ISYNA1: variants seen among roughly 807,000 people sequenced by gnomAD.
ISYNA1 encodes the protein inositol-3-phosphate synthase 1.
Under a neutral mutation model 50.3 loss-of-function variants are expected in ISYNA1, and 34 were observed. The ratio of observed to expected loss-of-function variants is 0.68; its 90% CI spans 0.51 to 0.90. ISYNA1 has a LOEUF of 0.90. ISYNA1 is among the 40% of genes least tolerant of loss of function. The probability of loss-of-function intolerance (pLI) is 0.00; values close to 1 mark genes in which losing one functional copy is unlikely to be tolerated. For missense variants in ISYNA1, 718 were observed against 784.8 expected (o/e 0.91, Z 1.02); for synonymous variants, 396 against 349.9 (o/e 1.13, Z -1.47).
chr19:18,437,914 C>T lies in ISYNA1; in HGVS notation c.66G>A (p.Glu22=), dbSNP rs1188294981. Residue 22 remains glutamate, a synonymous_variant, in exon 2 of 11, where the codon GAG becomes GAA. Transcript: ENST00000338128. Reference sequence around the variant, plus strand: ...GCGTCGTCCGGTACTCGTATTGCGCCTCGATGGCCTCGGGGCCGTAGACCA... The same window carrying T: ...GCGTCGTCCGGTACTCGTATTGCGCTTCGATGGCCTCGGGGCCGTAGACCA... ...PDVVYGPEAI[E]AQYEYRTTRV... 11 of 1,611,500 alleles carry T rather than the reference C, an allele frequency of 6.8e-6. No individual in the cohort carries two copies. Among genetic ancestry groups the T allele is most frequent in the Non-Finnish European group, 8.5e-6 (10 of 1,179,648 alleles).
Position 18,437,653 on chromosome 19 carries a change from G to A in ISYNA1, c.228C>T (p.Ala76=), listed in dbSNP as rs1166766802. Residue 76 remains alanine, a synonymous_variant, in exon 3 of 11, where the codon GCC becomes GCT. Coordinates refer to ENST00000338128, the MANE Select transcript of ISYNA1 (RefSeq NM_016368.5). The part of the protein sequence containing the change: ...WGGNNGSTLT[A]AVLANRLRLS... The stretch of plus-strand genomic sequence containing the variant: ...AACGCAGTCGATTGGCCAGCACCGC[G>A]GCGGTGAGTGTGGAGCCGTTGTTCC... 2 of 1,538,540 alleles carry A rather than the reference G, an allele frequency of 1.3e-6. No individual in the cohort carries two copies. The highest frequency in any genetic ancestry group is 1.7e-6 in the Non-Finnish European group (2 of 1,145,662).
Position 18,437,958 on chromosome 19 carries a change from A to G in ISYNA1, c.22T>C (p.Phe8Leu). MEAAAQF[F>L]VESPDVVYGP... ...TAGACCACGTCCGGGCTCTCGACGA[A>G]GAACTGGGCGGCGGCCTCCATCGCG... is the stretch of plus-strand genomic sequence containing the variant. Residue 8 changes from phenylalanine (F) to leucine (L), a missense_variant, in exon 2 of 11, where the codon TTC becomes CTC. Physicochemically the swap from Phe to Leu is conservative, Grantham distance 22. This residue lies in a region of ISYNA1 where 403 missense variants were observed against 466.6 expected (regional missense o/e 0.86). Transcript: ENST00000338128. 1 of 1,595,664 alleles carries G rather than the reference A, an allele frequency of 6.3e-7. No individual in the cohort carries two copies. Among genetic ancestry groups the G allele is most frequent in the Non-Finnish European group, 8.5e-7 (1 of 1,172,624 alleles).
At position 18,436,016 on chromosome 19, in the gene ISYNA1, CCCTAGGCCCACGCA is replaced by C; in HGVS notation, c.975+2_975+15del. 1.2e-6 allele frequency: 2 copies of C among 1,613,340 alleles called. No homozygotes were observed. Among genetic ancestry groups the C allele is most frequent in the Non-Finnish European group, 1.7e-6 (2 of 1,179,878 alleles). Reference sequence around the variant, plus strand: ...GGCCCCCTTCCTGCACTCGGCAGCTCCCTAGGCCCACGCACCTTGAGGCCGGAGCCAATGAGGAA... The same window carrying C: ...GGCCCCCTTCCTGCACTCGGCAGCTCCCTTGAGGCCGGAGCCAATGAGGAA... On this transcript the variant is annotated splice_donor_variant and splice_donor_5th_base_variant and intron_variant, in intron 7 of 10. Coordinates refer to ENST00000338128, the MANE Select transcript of ISYNA1 (RefSeq NM_016368.5). LOFTEE classifies it high-confidence loss of function.
At position 18,437,918 on chromosome 19, in the gene ISYNA1, A is replaced by C; in HGVS notation, c.62T>G (p.Ile21Ser). 1 of 1,611,488 alleles carries C rather than the reference A, an allele frequency of 6.2e-7. No individual in the cohort carries two copies. The highest frequency in any genetic ancestry group is 8.5e-7 in the Non-Finnish European group (1 of 1,179,600). The change falls in exon 2 of 11, where the codon ATC (isoleucine) becomes AGC (serine). Residue 21 changes from isoleucine (I) to serine (S), a missense_variant. Physicochemically the swap from Ile to Ser is moderately radical, Grantham distance 142. Around this residue, in one of 3 missense-constraint regions of ISYNA1, gnomAD observed 403 missense variants for 466.6 expected, o/e 0.86. Transcript: ENST00000338128. The stretch of plus-strand genomic sequence containing the variant: ...CGTCCGGTACTCGTATTGCGCCTCG[A>C]TGGCCTCGGGGCCGTAGACCACGTC... ...SPDVVYGPEA[I>S]EAQYEYRTTR...
Position 18,434,570 on chromosome 19 carries a change from T to A in ISYNA1, c.*343A>T. On this transcript the variant is annotated 3_prime_UTR_variant, in exon 11 of 11. Coordinates refer to ENST00000338128, the MANE Select transcript of ISYNA1 (RefSeq NM_016368.5). The stretch of plus-strand genomic sequence containing the variant: ...TGGTTTTGGTTTTTGGTAGCTTGTC[T>A]CAGATTCCCTCTTTGGCCTTCTGCC... The A allele has an allele frequency of 1.9e-6, 1 of 520,370 alleles. No individual in the cohort carries two copies. Among genetic ancestry groups the A allele is most frequent in the Non-Finnish European group, 3.4e-6 (1 of 297,404 alleles). 32.2% of individuals were successfully genotyped at this position (520,370 alleles called of 1,614,324 possible). A position where few individuals can be genotyped will look rare whatever the true frequency, so the allele number is the denominator to read the frequency against.
chr19:18,437,112 G>A lies in ISYNA1; in HGVS notation c.283-7C>T, dbSNP rs761855774. On this transcript the variant is annotated splice_polypyrimidine_tract_variant and splice_region_variant and intron_variant, in intron 3 of 10. Coordinates refer to ENST00000338128, the MANE Select transcript of ISYNA1 (RefSeq NM_016368.5). ...AGCCGTAGTAGTTGGCCTCCTGGGG[G>A]TCAGCAGACACGGCGAGGTGACGGG... The A allele has an allele frequency of 6.4e-7, 1 of 1,570,380 alleles. No homozygotes were observed.
rs1974134364 is a variant in ISYNA1 at position 18,437,955 on chromosome 19, C to G, written c.25G>C (p.Val9Leu). The change falls in exon 2 of 11, where the codon GTC becomes CTC. Residue 9 changes from valine to leucine, a missense_variant. Coordinates refer to ENST00000338128, the MANE Select transcript of ISYNA1 (RefSeq NM_016368.5). MEAAAQFF[V>L]ESPDVVYGPE... ...CCGTAGACCACGTCCGGGCTCTCGA[C>G]GAAGAACTGGGCGGCGGCCTCCATC... 1 of 1,598,590 alleles carries G rather than the reference C, an allele frequency of 6.3e-7. No homozygotes were observed. Among genetic ancestry groups the G allele is most frequent in the African/African-American group, 1.3e-5 (1 of 74,594 alleles).
At chr19:18,437,231 A>AGCCAGGACGGAAGCCGCTGCC in intron 3 of ISYNA1, 126 bp from the exon 4 acceptor site, 1 of 1,443,752 alleles carries the variant, frequency 6.9e-7, no homozygotes, top group Non-Finnish European at 9.1e-7. Context: ...CCAGGCTCAC[A>AGCCAGGACGGAAGCCGCTGCC]GCCAGGACGG....
Position 18,434,595 on chromosome 19 carries a change from C to T in ISYNA1, c.*318G>A. The T allele has an allele frequency of 1.9e-6, 1 of 526,112 alleles. No individual in the cohort carries two copies. Among genetic ancestry groups the T allele is most frequent in the Non-Finnish European group, 3.4e-6 (1 of 297,820 alleles). The allele number at this position is 526,112 out of a possible 1,614,324, so 32.6% of individuals were successfully genotyped here. A position where few individuals can be genotyped will look rare whatever the true frequency, so the allele number is the denominator to read the frequency against. ...TCAGATTCCCTCTTTGGCCTTCTGCCACCACACTCTCCACCCTGTGGTCTT... is the reference window on the plus strand; with the variant it reads ...TCAGATTCCCTCTTTGGCCTTCTGCTACCACACTCTCCACCCTGTGGTCTT... On this transcript the variant is annotated 3_prime_UTR_variant, in exon 11 of 11. Coordinates refer to ENST00000338128, the MANE Select transcript of ISYNA1 (RefSeq NM_016368.5).
chr19:18,437,822 C>T (rs1484444083), intron 2 of ISYNA1, 38 bp downstream of exon 2: 1 of 1,609,406 alleles, frequency 6.2e-7, no homozygotes, highest in Admixed American at 1.7e-5. Flanking sequence ...CCGCCCCGCT[C>T]TCCCCAGCAC....
In ISYNA1 at chr19:18,436,388, A is replaced by G; in HGVS notation, c.701T>C (p.Phe234Ser). 1 of 1,612,338 alleles carries G rather than the reference A, an allele frequency of 6.2e-7. No individual in the cohort carries two copies. ...IVLWTANTER[F>S]CEVIPGLNDT... Reference sequence around the variant, plus strand: ...GTTGAGGCCTGGAATCACCTCACAGAAGCGCTCCGTGTTCGCCGTCCACAG... The same window carrying G: ...GTTGAGGCCTGGAATCACCTCACAGGAGCGCTCCGTGTTCGCCGTCCACAG... The change falls in exon 6 of 11, where the codon TTC becomes TCC. Residue 234 changes from phenylalanine to serine, a missense_variant. This residue lies in a region of ISYNA1 where 403 missense variants were observed against 466.6 expected (regional missense o/e 0.86). Coordinates refer to ENST00000338128, the MANE Select transcript of ISYNA1 (RefSeq NM_016368.5).
Position 18,436,461 on chromosome 19 carries a change from C to A in ISYNA1, c.628G>T (p.Asp210Tyr). 1 of 1,606,190 alleles carries A rather than the reference C, an allele frequency of 6.2e-7. No homozygotes were observed. Among genetic ancestry groups the A allele is most frequent in the Non-Finnish European group, 8.5e-7 (1 of 1,179,858 alleles). The change falls in exon 6 of 11, where the codon GAC (aspartate) becomes TAC (tyrosine). Residue 210 changes from aspartate (D) to tyrosine (Y), a missense_variant. Coordinates refer to ENST00000338128, the MANE Select transcript of ISYNA1 (RefSeq NM_016368.5). Reference sequence around the variant, plus strand: ...GCGCTAGACCGGAAGTCTCGGATGTCCCTGCGGATCTGCTCCAGCTGTGGG... The same window carrying A: ...GCGCTAGACCGGAAGTCTCGGATGTACCTGCGGATCTGCTCCAGCTGTGGG... ...RAQQLEQIRRDIRDFRSSAGL... is the reference protein window; with the variant it reads ...RAQQLEQIRRYIRDFRSSAGL...
rs377647157 is a variant in ISYNA1, at chr19:18,435,563, C to T, written c.1254G>A (p.Glu418=). The change falls in exon 9 of 11, where the codon GAG becomes GAA. Residue 418 remains glutamate, a splice_region_variant and synonymous_variant. Coordinates refer to ENST00000338128, the MANE Select transcript of ISYNA1 (RefSeq NM_016368.5). Reference sequence around the variant, plus strand: ...AGCAGCCCCTGAAGCCGCGCCGCACCTCACACGTGTTGTGCAGCACCAGTG... The same window carrying T: ...AGCAGCCCCTGAAGCCGCGCCGCACTTCACACGTGTTGTGCAGCACCAGTG... ...TNTLVLHNTC[E]DSLLAAPIML... is the part of the protein sequence containing the mutation. 13 of 1,605,600 alleles carry T rather than the reference C, an allele frequency of 8.1e-6. No homozygotes were observed. Among genetic ancestry groups the T allele is most frequent in the Non-Finnish European group, 1.0e-5 (12 of 1,176,398 alleles).
chr19:18,438,020 G>A, intron 1 of ISYNA1, 32 bp from the exon 2 acceptor site: 3 of 1,530,112 alleles, frequency 2.0e-6, no homozygotes, highest in Non-Finnish European at 1.8e-6. Flanking sequence ...GGGGTCAGCG[G>A]GGACTCTAAG....
At chr19:18,437,546 C>CTTG in intron 3 of ISYNA1, 53 bp downstream of exon 3, 2 of 1,337,350 alleles carry the variant, frequency 1.5e-6, no homozygotes, top group Non-Finnish European at 1.9e-6. Flanking sequence ...CCGCCCCCGC[C>CTTG]CGCAAGGACT....
rs369738821 is a variant in ISYNA1, at chr19:18,436,982, C to T, written c.406G>A (p.Val136Met). Residue 136 changes from valine to methionine, a missense_variant, in exon 4 of 11, where the codon GTG (valine) becomes ATG (methionine). Val to Met is a conservative substitution (Grantham distance 21). Transcript: ENST00000338128. ...CCAGGGCTCCGCCCACCATCGAACACGAGGTCGTTGGGCGCCACCATGGGC... is the reference window on the plus strand; with the variant it reads ...CCAGGGCTCCGCCCACCATCGAACATGAGGTCGTTGGGCGCCACCATGGGC... The part of the protein sequence containing the change: ...VLPMVAPNDL[V>M]FDGWDISSLN... 16 of 1,609,952 alleles carry T rather than the reference C, an allele frequency of 9.9e-6. No homozygotes were observed. In the East Asian group the frequency reaches 1.8e-4, roughly 18 times the overall value.
rs1973847058 is a variant in ISYNA1, at chr19:18,434,437, C to T, written c.*476G>A. On this transcript the variant is annotated 3_prime_UTR_variant, in exon 11 of 11. Transcript: ENST00000338128. ...GCAAGGACCTCAGAGACGTTCTTTT[C>T]TGTATGGACCCTTCCTGCCATTTGT... 2.8e-6 allele frequency: 3 copies of T among 1,073,866 alleles called. No individual in the cohort carries two copies. Among genetic ancestry groups the T allele is most frequent in the South Asian group, 2.2e-5 (1 of 45,422 alleles). The allele number at this position is 1,073,866 out of a possible 1,614,324, so 66.5% of individuals were successfully genotyped here. A position where few individuals can be genotyped will look rare whatever the true frequency, so the allele number is the denominator to read the frequency against.
At chr19:18,437,448 G>A in intron 3 of ISYNA1, 151 bp downstream of exon 3, 1 of 928,958 alleles carries the variant, frequency 1.1e-6, no homozygotes, top group Non-Finnish European at 1.4e-6. Flanking sequence ...GACCCGGGCA[G>A]GTCCCTCGCC....
At chr19:18,437,280 C>T (rs1160684759) in intron 3 of ISYNA1, 175 bp from the exon 4 acceptor site, 15 of 1,424,392 alleles carry the variant, frequency 1.1e-5, no homozygotes, top group African/African-American at 7.2e-5. Context: ...AGACCTCCGG[C>T]ACCTTAAGCT....
Sources: gnomAD v4.1 joint callset for allele counts on GRCh38, gnomAD v4.1.1 for gene constraint, gnomAD v4.1.1 regional missense constraint, MANE v1.5 for transcripts, NCBI Gene and HGNC (gene_info 2026-07-23, HGNC 2026-07-21) for gene names.